ST6GALNAC5: variants seen among roughly 807,000 people sequenced by gnomAD.
ST6GALNAC5 encodes the protein alpha-N-acetylgalactosaminide alpha-2,6-sialyltransferase 5.
Under a neutral mutation model 33.6 loss-of-function variants are expected in ST6GALNAC5, and 27 were observed. That is an observed-to-expected ratio of 0.80 (90% CI 0.59 to 1.11). The LOEUF (loss-of-function observed/expected upper bound fraction) is 1.11, where lower values mean the gene tolerates loss of function less well. Among genes scored for constraint, ST6GALNAC5 ranks in the 50% least tolerant of loss-of-function variants. The pLI, the probability that ST6GALNAC5 is intolerant of heterozygous loss-of-function variation, is 0.00. For missense variants in ST6GALNAC5, 428 were observed against 454.0 expected (o/e 0.94, Z 0.52); for synonymous variants, 194 against 171.2 (o/e 1.13, Z -1.04).
At chr1:76,962,777 A>G (rs913793086) in intron 2 of ST6GALNAC5, among the ~76,000 whole-genome samples, 1 of 152,186 alleles carries the variant, frequency 6.6e-6, no homozygotes, top group East Asian at 1.9e-4. Context: ...CTACATATTC[A>G]TTTTGCATTT....
At chr1:76,953,833 T>A (rs1647846769) in intron 2 of ST6GALNAC5, among the ~76,000 whole-genome samples, 1 of 152,176 alleles carries the variant, frequency 6.6e-6, no homozygotes, top group Non-Finnish European at 1.5e-5. Flanking sequence ...TCATGTGGTG[T>A]GAGGTTTTAA....
Position 76,957,935 on chromosome 1 carries a change from C to T in ST6GALNAC5, c.262-86269C>T, listed in dbSNP as rs866795276. On this transcript the variant is annotated intron_variant, in intron 2 of 4. Coordinates refer to ENST00000477717, the MANE Select transcript of ST6GALNAC5 (RefSeq NM_030965.3). Reference sequence around the variant, plus strand: ...TCTCCTTTTAGCTAGAAGGATACCTCGCTTTTTTTAATTTTTCATGATACT... The same window carrying T: ...TCTCCTTTTAGCTAGAAGGATACCTTGCTTTTTTTAATTTTTCATGATACT... Among the ~76,000 whole-genome samples the T allele has an allele frequency of 4.6e-5, 7 of 152,076 alleles. No individual in the cohort carries two copies. The South Asian group carries it at 1.5e-3, about 32-fold the overall frequency.
At chr1:76,996,395 G>A (rs190922277) in intron 2 of ST6GALNAC5, among the ~76,000 whole-genome samples, 22 of 152,266 alleles carry the variant, frequency 1.4e-4, no homozygotes, top group Admixed American at 7.9e-4. Context: ...ACAAGAATGA[G>A]ATGTATGTAT....
chr1:77,024,747 T>C lies in ST6GALNAC5; in HGVS notation c.262-19457T>C, dbSNP rs375990452. 5.9e-5 allele frequency among the ~76,000 whole-genome samples: 9 copies of C among 152,306 alleles called. No homozygotes were observed. The East Asian group carries it at 7.7e-4, about 13-fold the overall frequency. On this transcript the variant is annotated intron_variant, in intron 2 of 4. Coordinates refer to ENST00000477717, the MANE Select transcript of ST6GALNAC5 (RefSeq NM_030965.3). ...CTGTGGAGCCTGAGCCAAGATATGA[T>C]CTGGGCCTAAGAAGGCACCATGGCA... is the stretch of plus-strand genomic sequence containing the variant.
intron 2 of ST6GALNAC5, chr1:76,869,131 T>G: frequency 5.1e-6 from 1 of 194,402 alleles, no homozygotes; most frequent in Non-Finnish European, 1.0e-5. Flanking sequence ...AGCCTGAGCG[T>G]TCCTCTGACC....
intron 2 of ST6GALNAC5, among the ~76,000 whole-genome samples, chr1:77,031,521 C>T (rs1190973909): frequency 6.6e-6 from 1 of 152,124 alleles, no homozygotes; most frequent in Admixed American, 6.5e-5. Context: ...CTGGAACCTC[C>T]CTTATACTTA....
chr1:76,959,686 G>A (rs1008647903), intron 2 of ST6GALNAC5, among the ~76,000 whole-genome samples: 29 of 152,148 alleles, frequency 1.9e-4, no homozygotes, highest in Admixed American at 1.7e-3. Context: ...AAGGACCAAC[G>A]GCCCATCAAA....
chr1:76,946,229 C>G (rs1038550936), intron 2 of ST6GALNAC5, among the ~76,000 whole-genome samples: 4 of 152,122 alleles, frequency 2.6e-5, no homozygotes, highest in Non-Finnish European at 4.4e-5. Flanking sequence ...AAAGTATACA[C>G]TTTACCTCCA....
intron 2 of ST6GALNAC5, among the ~76,000 whole-genome samples, chr1:77,005,694 A>C (rs1324162769): frequency 6.6e-6 from 1 of 152,234 alleles, no homozygotes; most frequent in Non-Finnish European, 1.5e-5. Context: ...CTCATTAAAC[A>C]GTAGCTGTCC....
intron 2 of ST6GALNAC5, among the ~76,000 whole-genome samples, chr1:76,915,351 C>A (rs1646959457): frequency 1.3e-5 from 2 of 151,862 alleles, no homozygotes; most frequent in African/African-American, 4.8e-5. Flanking sequence ...GGGTATATAC[C>A]CAAAGGACTA....
chr1:76,986,866 A>G (rs1378554190), intron 2 of ST6GALNAC5, among the ~76,000 whole-genome samples: 2 of 152,206 alleles, frequency 1.3e-5, no homozygotes, highest in Non-Finnish European at 2.9e-5. Context: ...TGTCCTTTGT[A>G]GGGACATGGA....
intron 2 of ST6GALNAC5, among the ~76,000 whole-genome samples, chr1:76,977,427 C>T (rs1649054510): frequency 6.6e-6 from 1 of 152,142 alleles, no homozygotes; most frequent in African/African-American, 2.4e-5. Context: ...TCTTGTCTAA[C>T]TATAACTTTG....
At chr1:76,974,064 C>G (rs545027498) in intron 2 of ST6GALNAC5, among the ~76,000 whole-genome samples, 1 of 151,974 alleles carries the variant, frequency 6.6e-6, no homozygotes, top group Non-Finnish European at 1.5e-5. Context: ...TTTTATTACA[C>G]TAAAATGCCA....
At chr1:77,020,983 A>G (rs1651033141) in intron 2 of ST6GALNAC5, among the ~76,000 whole-genome samples, 1 of 152,192 alleles carries the variant, frequency 6.6e-6, no homozygotes, top group Non-Finnish European at 1.5e-5. Flanking sequence ...CAAGACAGAG[A>G]GCCAGGCAGA....
At chr1:77,059,896 A>T (rs896467742) in intron 4 of ST6GALNAC5, among the ~76,000 whole-genome samples, 1 of 152,036 alleles carries the variant, frequency 6.6e-6, no homozygotes, top group Non-Finnish European at 1.5e-5. Flanking sequence ...ACTCATGGAT[A>T]TTTATTTTAT....
intron 2 of ST6GALNAC5, among the ~76,000 whole-genome samples, chr1:76,893,970 C>G (rs1161428478): frequency 6.6e-6 from 1 of 152,126 alleles, no homozygotes; most frequent in African/African-American, 2.4e-5. Flanking sequence ...AGAAGAGACG[C>G]TCTTGATATT....
rs1647519625 is a variant in ST6GALNAC5, at chr1:76,946,420, G to A, written c.261+77678G>A. Among the ~76,000 whole-genome samples the A allele has an allele frequency of 2.0e-5, 3 of 152,118 alleles. No homozygotes were observed. The South Asian group carries it at 6.2e-4, about 32-fold the overall frequency. ...GGTGCTGTTTTAAAAGAACTGGGGA[G>A]GTCTGATTCCCAATCTGCATAATAA... On this transcript the variant is annotated intron_variant, in intron 2 of 4. Transcript: ENST00000477717.
At chr1:76,943,963 G>A (rs1206661559) in intron 2 of ST6GALNAC5, among the ~76,000 whole-genome samples, 4 of 152,108 alleles carry the variant, frequency 2.6e-5, no homozygotes. Context: ...ATGTTGGGGT[G>A]TGGGTTTGTG....
intron 2 of ST6GALNAC5, among the ~76,000 whole-genome samples, chr1:77,004,119 T>C (rs1228824047): frequency 1.3e-5 from 2 of 151,488 alleles, no homozygotes; most frequent in African/African-American, 4.9e-5. Context: ...CCCATCACTT[T>C]CAAGTACACC....
Sources: allele counts gnomAD v4.1 joint callset (sites outside exome capture counted in the v4.1 genomes callset), GRCh38; gene constraint gnomAD v4.1.1; transcripts MANE v1.5; gene names NCBI Gene and HGNC (gene_info 2026-07-23, HGNC 2026-07-21).